Variants in SLC13A1 observed in about 807,000 individuals in gnomAD.
The protein encoded by SLC13A1 is solute carrier family 13 member 1.
In SLC13A1, 65 loss-of-function variants were observed where a neutral mutation model predicts 70.0. That is an observed-to-expected ratio of 0.93 (90% CI 0.76 to 1.14). The LOEUF is 1.14. Among genes scored for constraint, SLC13A1 ranks in the 50% most tolerant of loss-of-function variants. SLC13A1 has a pLI of 0.00. For missense variants in SLC13A1, 726 were observed against 717.8 expected, an observed-to-expected ratio of 1.01 and a Z score of -0.13; for synonymous variants, 275 against 250.5, an observed-to-expected ratio of 1.10 and a Z score of -0.92.
Position 123,129,442 on chromosome 7 carries a change from G to T in SLC13A1, c.972C>A (p.Val324=). 2 of 1,610,378 alleles carry T rather than the reference G, an allele frequency of 1.2e-6. No homozygotes were observed. The highest frequency in any genetic ancestry group is 1.7e-6 in the Non-Finnish European group (2 of 1,178,798). ...TCACCTCAGCACAAGCTTTTTGTTG[G>T]ACTGTTTTGGTTTTGCCACATTTGA... ...EMFKCGKTKT[V]QQKACAEVIK... is the part of the protein sequence containing the mutation. Residue 324 remains valine, a synonymous_variant, in exon 9 of 15, where the codon GTC becomes GTA. Coordinates refer to ENST00000194130, the MANE Select transcript of SLC13A1 (RefSeq NM_022444.4).
At chr7:123,138,341 A>G (rs1207792638) in intron 7 of SLC13A1, among the ~76,000 whole-genome samples, 1 of 152,122 alleles carries the variant, frequency 6.6e-6, no homozygotes, top group African/African-American at 2.4e-5. Flanking sequence ...CATCCAAATC[A>G]TGGCTATTAT....
intron 7 of SLC13A1, among the ~76,000 whole-genome samples, chr7:123,144,487 A>G (rs1407256713): frequency 6.6e-6 from 1 of 152,206 alleles, no homozygotes; most frequent in Admixed American, 6.5e-5. Flanking sequence ...TTAGGGGGCT[A>G]AGTGGATTTC....
At chr7:123,135,193 A>T (rs1242819205) in intron 7 of SLC13A1, among the ~76,000 whole-genome samples, 1 of 152,200 alleles carries the variant, frequency 6.6e-6, no homozygotes, top group Non-Finnish European at 1.5e-5. Context: ...GTTCTGAAGA[A>T]ATCAACAACT....
At chr7:123,189,422 G>C (rs181773063) in intron 1 of SLC13A1, among the ~76,000 whole-genome samples, 9 of 152,122 alleles carry the variant, frequency 5.9e-5, no homozygotes, top group Admixed American at 5.9e-4. Context: ...AGTTCTTACA[G>C]AATTATGCTC....
At chr7:123,147,439 A>C in intron 6 of SLC13A1, 129 bp from the exon 7 acceptor site, 3 of 1,071,740 alleles carry the variant, frequency 2.8e-6, no homozygotes, top group Non-Finnish European at 4.0e-6. Flanking sequence ...TGTATTTGGC[A>C]ATGGGGCATT....
intron 6 of SLC13A1, among the ~76,000 whole-genome samples, chr7:123,153,286 G>A (rs1457010999): frequency 6.6e-6 from 1 of 151,992 alleles, no homozygotes; most frequent in East Asian, 1.9e-4. Flanking sequence ...ATGAGCTGAT[G>A]TTTATGCAAA....
At chr7:123,178,935 T>A (rs865887219) in intron 2 of SLC13A1, among the ~76,000 whole-genome samples, 1 of 152,146 alleles carries the variant, frequency 6.6e-6, no homozygotes, top group Non-Finnish European at 1.5e-5. Flanking sequence ...AATAATAACA[T>A]TGGCTAACAT....
chr7:123,145,038 T>C (rs1794303410), intron 7 of SLC13A1, among the ~76,000 whole-genome samples: 1 of 152,170 alleles, frequency 6.6e-6, no homozygotes, highest in Non-Finnish European at 1.5e-5. Context: ...GTGTGTGTAC[T>C]TCCAGAGGAT....
At chr7:123,133,758 C>A in intron 8 of SLC13A1, among the ~76,000 whole-genome samples, 1 of 152,030 alleles carries the variant, frequency 6.6e-6, no homozygotes, top group East Asian at 1.9e-4. Flanking sequence ...TGTCGATATC[C>A]TGACCACGTG....
At chr7:123,198,427 AG>A (rs2116703295) in intron 1 of SLC13A1, among the ~76,000 whole-genome samples, 1 of 128,978 alleles carries the variant, frequency 7.8e-6, no homozygotes, top group South Asian at 2.6e-4. Flanking sequence ...TACGAATTTG[AG>A]GGCTTAGAAA....
At chr7:123,149,851 T>C (rs1051179595) in intron 6 of SLC13A1, among the ~76,000 whole-genome samples, 10 of 152,198 alleles carry the variant, frequency 6.6e-5, no homozygotes, top group African/African-American at 2.4e-4. Context: ...TCCTCTCCTT[T>C]CTTTACTTCC....
intron 1 of SLC13A1, among the ~76,000 whole-genome samples, chr7:123,193,623 A>G (rs561304383): frequency 4.6e-5 from 7 of 152,144 alleles, no homozygotes; most frequent in Non-Finnish European, 7.4e-5. Context: ...AAGCAATGAC[A>G]TCATGAGCTT....
intron 1 of SLC13A1, among the ~76,000 whole-genome samples, chr7:123,189,798 TTCTC>T (rs1795938696): frequency 6.6e-6 from 1 of 152,058 alleles, no homozygotes; most frequent in Admixed American, 6.5e-5. Context: ...GATTTTTTTC[TTCTC>T]TATTTGGAAG....
chr7:123,144,777 G>T (rs529109755), intron 7 of SLC13A1, among the ~76,000 whole-genome samples: 2 of 152,202 alleles, frequency 1.3e-5, no homozygotes, highest in African/African-American at 4.8e-5. Context: ...CATTGTCACT[G>T]CAAGTAACTT....
intron 13 of SLC13A1, 48 bp downstream of exon 13, chr7:123,119,033 A>G (rs776003148): frequency 6.6e-7 from 1 of 1,514,732 alleles, no homozygotes; most frequent in Non-Finnish European, 9.0e-7. Context: ...TCCGAAGCAG[A>G]GTACTGCTCT....
At chr7:123,183,718 A>C (rs115871124) in intron 1 of SLC13A1, among the ~76,000 whole-genome samples, 1 of 152,144 alleles carries the variant, frequency 6.6e-6, no homozygotes, top group South Asian at 2.1e-4. Context: ...CAGGCTCACA[A>C]GGTGATCCTT....
chr7:123,179,863 G>A (rs1420907838), intron 2 of SLC13A1, among the ~76,000 whole-genome samples: 2 of 152,012 alleles, frequency 1.3e-5, no homozygotes, highest in African/African-American at 4.8e-5. Context: ...ATGGGACAAG[G>A]GTTAAAAATT....
chr7:123,158,319 TAG>T, intron 6 of SLC13A1, among the ~76,000 whole-genome samples: 1 of 152,062 alleles, frequency 6.6e-6, no homozygotes, highest in South Asian at 2.1e-4. Flanking sequence ...TTAAGACAAA[TAG>T]AGTTTACATA....
At position 123,147,261 on chromosome 7, in the gene SLC13A1, C is replaced by T. The variant is rs201362717; in HGVS notation, c.710G>A (p.Arg237His). Residue 237 changes from arginine (R) to histidine (H), a missense_variant, in exon 7 of 15, where the codon CGT becomes CAT. By Grantham distance (29) the Arg-to-His change is conservative. Coordinates refer to ENST00000194130, the MANE Select transcript of SLC13A1 (RefSeq NM_022444.4). ...GGCAATGCACAAACACGTAAGTTTA[C>T]GTGTCACGTGGCCCTTCTTTGTTCG... ...KYRTKKGHVT[R>H]KLTCLCIAYS... 111 of 1,613,474 alleles carry T rather than the reference C, an allele frequency of 6.9e-5. No individual in the cohort carries two copies. The highest frequency in any genetic ancestry group is 5.4e-4 in the East Asian group (24 of 44,790).
Sources: allele counts gnomAD v4.1 joint callset (sites outside exome capture counted in the v4.1 genomes callset), GRCh38; gene constraint gnomAD v4.1.1; transcripts MANE v1.5; gene names NCBI Gene and HGNC (gene_info 2026-07-23, HGNC 2026-07-21).